WDR72: variants seen among roughly 807,000 people sequenced by gnomAD.
The protein encoded by WDR72 is WD repeat-containing protein 72.
A neutral mutation model predicts 124.2 loss-of-function variants in WDR72; 120 were observed. The observed-to-expected ratio is 0.97, with a 90% CI of 0.83 to 1.12. WDR72 has a LOEUF of 1.12. WDR72 is among the 50% of genes most tolerant of loss of function. The pLI is 0.00. For missense variants in WDR72, 1,387 were observed against 1,278.8 expected, an observed-to-expected ratio of 1.08 and a Z score of -1.29; for synonymous variants, 452 against 441.7, an observed-to-expected ratio of 1.02 and a Z score of -0.29.
At chr15:53,726,359 G>A (rs1011050645) in intron 2 of WDR72, among the ~76,000 whole-genome samples, 1 of 87,798 alleles carries the variant, frequency 1.1e-5, no homozygotes, top group Non-Finnish European at 2.0e-5. Flanking sequence ...TGGGAGGGGG[G>A]CGGGGCTGAT....
At chr15:53,592,242 A>G (rs1231859420) in intron 18 of WDR72, among the ~76,000 whole-genome samples, 4 of 152,078 alleles carry the variant, frequency 2.6e-5, no homozygotes, top group Non-Finnish European at 5.9e-5. Context: ...CGTACCACAC[A>G]GGCCTTTCCT....
At chr15:53,706,095 T>C in intron 9 of WDR72, 21 bp from the exon 10 acceptor site, 3 of 1,613,538 alleles carry the variant, frequency 1.9e-6, no homozygotes, top group Non-Finnish European at 2.5e-6. Context: ...AGTGAGCTTT[T>C]ATGTAGGAAA....
chr15:53,760,661 T>C (rs2019045073), upstream of WDR72, among the ~76,000 whole-genome samples: 1 of 152,212 alleles, frequency 6.6e-6, no homozygotes, highest in African/African-American at 2.4e-5. Flanking sequence ...AGATATTTCT[T>C]TGATATACTG....
chr15:53,675,053 G>A (rs557455821), intron 13 of WDR72, among the ~76,000 whole-genome samples: 5 of 152,252 alleles, frequency 3.3e-5, no homozygotes, highest in Admixed American at 6.5e-5. Context: ...TTCTTGATAA[G>A]GTATCTATTT....
intron 14 of WDR72, among the ~76,000 whole-genome samples, chr15:53,642,805 T>C (rs1015388515): frequency 6.6e-6 from 1 of 152,086 alleles, no homozygotes; most frequent in Non-Finnish European, 1.5e-5. Context: ...CTTTAACTGA[T>C]TGAATACCCA....
rs189260484 is a variant in WDR72, at chr15:53,639,779, A to G, written c.1963-23536T>C. On this transcript the variant is annotated intron_variant, in intron 14 of 19. Coordinates refer to ENST00000360509, the MANE Select transcript of WDR72 (RefSeq NM_182758.4). ...TCTACAGAAATTGTAGTCCTGAAGAAAGCTCATTTCCCTCAAGAGACCACC... is the reference window on the plus strand; with the variant it reads ...TCTACAGAAATTGTAGTCCTGAAGAGAGCTCATTTCCCTCAAGAGACCACC... Among the ~76,000 whole-genome samples, 379 of 151,990 alleles carry G rather than the reference A, an allele frequency of 2.5e-3. 6 individuals are homozygous for G. The highest frequency in any genetic ancestry group is 8.7e-3 in the African/African-American group (362 of 41,490).
chr15:53,744,569 ACCT>A (rs1203588344), intron 1 of WDR72, among the ~76,000 whole-genome samples: 4 of 151,972 alleles, frequency 2.6e-5, no homozygotes, highest in Admixed American at 2.0e-4. Context: ...CTTCCCAATC[ACCT>A]CCTAAACCAT....
intron 18 of WDR72, among the ~76,000 whole-genome samples, chr15:53,558,305 A>G (rs1225659946): frequency 6.6e-6 from 1 of 152,028 alleles, no homozygotes; most frequent in Non-Finnish European, 1.5e-5. Context: ...TCGTCCTATC[A>G]CCTGGCAGAT....
Position 53,743,696 on chromosome 15 carries a change from G to T in WDR72, c.-12-10535C>A, listed in dbSNP as rs34382299. On this transcript the variant is annotated intron_variant, in intron 1 of 19. Transcript: ENST00000360509. ...TATTCCACATAAAAATCTTTATCAG[G>T]CCAGGCACAGTGGCTCACGCCTGTA... Among the ~76,000 whole-genome samples, 14 of 152,110 alleles carry T rather than the reference G, an allele frequency of 9.2e-5. No individual in the cohort carries two copies. In the South Asian group the frequency reaches 1.9e-3, roughly 20 times the overall value.
chr15:53,634,366 C>G (rs1215558746), intron 14 of WDR72, among the ~76,000 whole-genome samples: 1 of 152,096 alleles, frequency 6.6e-6, no homozygotes, highest in African/African-American at 2.4e-5. Context: ...CATGAAAGAT[C>G]CCAAGAAAAG....
At chr15:53,634,356 C>T (rs910363972) in intron 14 of WDR72, among the ~76,000 whole-genome samples, 1 of 152,142 alleles carries the variant, frequency 6.6e-6, no homozygotes, top group African/African-American at 2.4e-5. Flanking sequence ...AAGGCATAGG[C>T]ATGAAAGATC....
chr15:53,759,422 T>A (rs778970054), intron 1 of WDR72: 2 of 141,896 alleles, frequency 1.4e-5, no homozygotes, highest in African/African-American at 5.0e-5. Context: ...AGTTTCCAAG[T>A]GCAAGAACTT....
At chr15:53,762,768 G>A (rs1284690607), upstream of WDR72, 11 of 152,234 alleles carry the variant, frequency 7.2e-5, no homozygotes, top group Non-Finnish European at 1.6e-4. Context: ...GAGACCCTCA[G>A]CCTCTCTGTG....
At chr15:53,629,205 AGAGAGAGT>A (rs1193244349) in intron 14 of WDR72, among the ~76,000 whole-genome samples, 2,446 of 138,722 alleles carry the variant, frequency 0.018, 77 homozygotes, top group African/African-American at 0.08. Flanking sequence ...AGAGAGAGAG[AGAGAGAGT>A]GAGAGAGAGA....
At position 53,711,394 on chromosome 15, in the gene WDR72, G is replaced by A. The variant is rs111845511; in HGVS notation, c.799C>T (p.His267Tyr). The A allele has an allele frequency of 4.5e-5, 72 of 1,614,078 alleles. 1 individual carries two copies. The African/African-American group carries it at 4.8e-4, about 11-fold the overall frequency. ...FFAGGEVIAAHRILIWTEDGH... is the reference protein window; with the variant it reads ...FFAGGEVIAAYRILIWTEDGH... ...TCTTCTGTCCAGATGAGGATTCTGT[G>A]AGCAGCAATCACTTCTCCACCAGCA... The change falls in exon 8 of 20, where the codon CAC (histidine) becomes TAC (tyrosine). Residue 267 changes from histidine to tyrosine, a missense_variant. By Grantham distance (83) the His-to-Tyr change is moderately conservative. Transcript: ENST00000360509.
intron 18 of WDR72, among the ~76,000 whole-genome samples, chr15:53,562,462 A>C (rs904925894): frequency 6.6e-6 from 1 of 151,812 alleles, no homozygotes; most frequent in African/African-American, 2.4e-5. Context: ...TACAACCCCT[A>C]AATTTGTAAT....
At chr15:53,750,228 T>TTA (rs1463562125) in intron 1 of WDR72, among the ~76,000 whole-genome samples, 2 of 152,136 alleles carry the variant, frequency 1.3e-5, no homozygotes, top group Non-Finnish European at 2.9e-5. Flanking sequence ...GCTGGTGACT[T>TTA]TAAGTTGAGG....
At chr15:53,693,660 C>A (rs1476149476) in intron 13 of WDR72, among the ~76,000 whole-genome samples, 1 of 152,146 alleles carries the variant, frequency 6.6e-6, no homozygotes, top group Non-Finnish European at 1.5e-5. Flanking sequence ...TTCCAGCTAA[C>A]TACTACTATT....
intron 1 of WDR72, among the ~76,000 whole-genome samples, chr15:53,744,110 C>T (rs953121658): frequency 2.0e-5 from 3 of 152,256 alleles, no homozygotes; most frequent in Admixed American, 6.5e-5. Context: ...TCCCTGTGCT[C>T]CTTTCTATAA....
Sources: allele counts gnomAD v4.1 joint callset (sites outside exome capture counted in the v4.1 genomes callset), GRCh38; gene constraint gnomAD v4.1.1; transcripts MANE v1.5; gene names NCBI Gene and HGNC (gene_info 2026-07-23, HGNC 2026-07-21).